The following CSMD1 variants were observed in gnomAD, a reference collection of about 807,000 sequenced individuals.
The protein encoded by CSMD1 is CUB and sushi domain-containing protein 1.
CSMD1 carries 213 observed loss-of-function variants against 417.5 expected under a neutral mutation model. That is an observed-to-expected ratio of 0.51 (90% confidence interval 0.46 to 0.57). CSMD1 has a LOEUF of 0.57. Among genes scored for constraint, CSMD1 ranks in the 20% least tolerant of loss-of-function variants. CSMD1 has a pLI of 0.00. For synonymous variants in CSMD1, 2,862 were observed against 1,736.8 expected, an observed-to-expected ratio of 1.65 and a Z score of -16.11; for missense variants, 6,923 against 4,529.7, an observed-to-expected ratio of 1.53 and a Z score of -15.17.
chr8:4,379,002 A>G (rs1802928727), intron 3 of CSMD1, among the ~76,000 whole-genome samples: 1 of 152,220 alleles, frequency 6.6e-6, no homozygotes, highest in South Asian at 2.1e-4. Context: ...ATGGATTAAG[A>G]AAGTAGCAAA....
intron 3 of CSMD1, among the ~76,000 whole-genome samples, chr8:4,163,561 G>A (rs1250971148): frequency 6.6e-6 from 1 of 152,134 alleles, no homozygotes; most frequent in Non-Finnish European, 1.5e-5. Flanking sequence ...CATTTGGTGT[G>A]AATTAAATCT....
chr8:4,273,352 C>A (rs149053205), intron 3 of CSMD1, among the ~76,000 whole-genome samples: 1 of 152,036 alleles, frequency 6.6e-6, no homozygotes, highest in East Asian at 1.9e-4. Context: ...TTCATATTTA[C>A]GGGTAATTCG....
At chr8:3,310,612 G>T (rs755120258) in intron 23 of CSMD1, among the ~76,000 whole-genome samples, 1 of 152,196 alleles carries the variant, frequency 6.6e-6, no homozygotes, top group African/African-American at 2.4e-5. Context: ...CAAAATCGGG[G>T]TGTAAAAAAC....
intron 2 of CSMD1, among the ~76,000 whole-genome samples, chr8:4,447,112 A>C (rs570352437): frequency 6.6e-6 from 1 of 152,132 alleles, no homozygotes; most frequent in South Asian, 2.1e-4. Flanking sequence ...GTACTTACTT[A>C]AATGTACATT....
chr8:4,325,376 C>G (rs11785351), intron 3 of CSMD1, among the ~76,000 whole-genome samples: 3,700 of 152,196 alleles, frequency 0.024, 52 homozygotes, highest in Middle Eastern at 0.034. Flanking sequence ...TCCCAAGAGA[C>G]AGACCTCCAA....
At chr8:4,563,281 G>C (rs1333828875) in intron 2 of CSMD1, among the ~76,000 whole-genome samples, 1 of 152,132 alleles carries the variant, frequency 6.6e-6, no homozygotes, top group Non-Finnish European at 1.5e-5. Context: ...GGCACCTGTA[G>C]TCCCAGCTAC....
rs570208345 is a variant in CSMD1 at position 4,355,819 on chromosome 8, G to A, written c.415+64134C>T. Among the ~76,000 whole-genome samples the A allele has an allele frequency of 1.8e-3, 277 of 152,318 alleles. 2 individuals are homozygous for A. The highest frequency in any genetic ancestry group is 1.8e-3 in the Non-Finnish European group (123 of 68,030). ...AACCTGGCTGCTGTTTGGAAGTGAA[G>A]ATTTCTAGATTCCAGGCCGAAAGTA... On this transcript the variant is annotated intron_variant, in intron 3 of 69. Transcript: ENST00000635120.
At chr8:4,661,982 T>C (rs556359582) in intron 1 of CSMD1, among the ~76,000 whole-genome samples, 1 of 152,228 alleles carries the variant, frequency 6.6e-6, no homozygotes. Context: ...ATATTCAATA[T>C]AATTTTGCTC....
intron 2 of CSMD1, among the ~76,000 whole-genome samples, chr8:4,446,784 TG>T (rs1798834613): frequency 6.7e-6 from 1 of 149,052 alleles, no homozygotes; most frequent in Non-Finnish European, 1.5e-5. Context: ...TGTGTGTGTG[TG>T]TGTGTGTGTG....
intron 10 of CSMD1, chr8:3,515,480 G>C (rs1797246793): frequency 6.7e-6 from 1 of 149,416 alleles, no homozygotes. Flanking sequence ...TTATTTCCTT[G>C]TTTGTTCACA....
chr8:3,577,241 ATC>A (rs1800188331), intron 9 of CSMD1, among the ~76,000 whole-genome samples: 1 of 62,730 alleles, frequency 1.6e-5, no homozygotes, highest in Non-Finnish European at 4.2e-5. Context: ...CATCTCATGC[ATC>A]ATATTTTATT....
chr8:4,250,024 C>A (rs752581293), intron 3 of CSMD1, among the ~76,000 whole-genome samples: 10 of 152,028 alleles, frequency 6.6e-5, no homozygotes, highest in Non-Finnish European at 1.2e-4. Context: ...GGCTCTGTAC[C>A]CATGAATAAA....
intron 2 of CSMD1, among the ~76,000 whole-genome samples, chr8:4,569,580 C>G (rs1051769048): frequency 6.6e-6 from 1 of 152,046 alleles, no homozygotes; most frequent in Non-Finnish European, 1.5e-5. Context: ...GGTAGTATGA[C>G]GCCTCCAGCT....
intron 2 of CSMD1, among the ~76,000 whole-genome samples, chr8:4,437,074 T>C (rs1798191014): frequency 6.6e-6 from 1 of 152,256 alleles, no homozygotes; most frequent in African/African-American, 2.4e-5. Context: ...GGACAGGCTA[T>C]GGAAGAACAA....
intron 1 of CSMD1, among the ~76,000 whole-genome samples, chr8:4,661,454 A>G (rs1476075496): frequency 1.3e-5 from 2 of 152,192 alleles, no homozygotes; most frequent in Non-Finnish European, 2.9e-5. Context: ...ATAGAAATGG[A>G]GAACAGATTA....
chr8:4,352,382 G>A (rs941399584), intron 3 of CSMD1, among the ~76,000 whole-genome samples: 2 of 152,148 alleles, frequency 1.3e-5, no homozygotes, highest in Non-Finnish European at 2.9e-5. Flanking sequence ...CAATAAATAT[G>A]TCTGTAGATC....
At chr8:3,486,750 G>T (rs6997143) in intron 11 of CSMD1, among the ~76,000 whole-genome samples, 4,232 of 152,246 alleles carry the variant, frequency 0.028, 245 homozygotes, top group East Asian at 0.17. Flanking sequence ...CATCCAATGG[G>T]TCCCCAAGGT....
At chr8:4,398,176 C>A (rs1300577450) in intron 3 of CSMD1, among the ~76,000 whole-genome samples, 2 of 152,074 alleles carry the variant, frequency 1.3e-5, no homozygotes, top group African/African-American at 2.4e-5. Context: ...TTCCTGACAA[C>A]AGAACTCCAA....
chr8:3,224,090 A>G (rs55759083), intron 27 of CSMD1, among the ~76,000 whole-genome samples: 39,398 of 152,062 alleles, frequency 0.26, 5,322 homozygotes, highest in East Asian at 0.31. Context: ...ATAATATTCC[A>G]CCCCATTTTC....
Sources: allele counts gnomAD v4.1 joint callset (sites outside exome capture counted in the v4.1 genomes callset), GRCh38; gene constraint gnomAD v4.1.1; transcripts MANE v1.5; gene names NCBI Gene and HGNC (gene_info 2026-07-23, HGNC 2026-07-21).